The following WDPCP variants were observed in gnomAD, a reference collection of about 807,000 sequenced individuals.
WDPCP encodes the protein WD repeat-containing and planar cell polarity effector protein fritz homolog.
In WDPCP, 71 loss-of-function variants were observed where a neutral mutation model predicts 93.1. The ratio of observed to expected loss-of-function variants is 0.76; its 90% CI spans 0.63 to 0.93. The LOEUF is 0.93. WDPCP is among the 40% of genes least tolerant of loss of function. The pLI, the probability that WDPCP is intolerant of heterozygous loss-of-function variation, is 0.00. For synonymous variants in WDPCP, 315 were observed against 315.0 expected, an observed-to-expected ratio of 1.00 and a Z score of 0.00; for missense variants, 844 against 887.4, an observed-to-expected ratio of 0.95 and a Z score of 0.62.
chr2:63,323,578 C>T (rs1687288120), intron 12 of WDPCP, among the ~76,000 whole-genome samples: 1 of 152,102 alleles, frequency 6.6e-6, no homozygotes, highest in African/African-American at 2.4e-5. Flanking sequence ...TCCCTTCCCT[C>T]CCTCAGGGTA....
chr2:63,323,022 C>T (rs1458902579), intron 12 of WDPCP, among the ~76,000 whole-genome samples: 10 of 152,212 alleles, frequency 6.6e-5, no homozygotes, highest in Non-Finnish European at 1.5e-4. Flanking sequence ...CGTTGGTTTG[C>T]CTGGAACCAG....
intron 2 of WDPCP, among the ~76,000 whole-genome samples, chr2:63,657,013 A>G (rs1218684322): frequency 6.6e-6 from 1 of 152,166 alleles, no homozygotes; most frequent in Non-Finnish European, 1.5e-5. Flanking sequence ...TTCACAAAGT[A>G]AAGGAAAAGC....
chr2:63,701,276 C>G (rs776096180), intron 2 of WDPCP, among the ~76,000 whole-genome samples: 18 of 152,102 alleles, frequency 1.2e-4, no homozygotes, highest in Admixed American at 3.3e-4. Flanking sequence ...TGCTAGTCAT[C>G]AGAGAAATGC....
chr2:63,774,124 TA>T (rs774357377), intron 2 of WDPCP, among the ~76,000 whole-genome samples: 11 of 152,106 alleles, frequency 7.2e-5, no homozygotes, highest in Non-Finnish European at 1.3e-4. Context: ...GGTATAATTT[TA>T]AGTGAGATCA....
At chr2:63,526,067 G>GTGTA (rs1393998531) in intron 1 of WDPCP, among the ~76,000 whole-genome samples, 1 of 151,950 alleles carries the variant, frequency 6.6e-6, no homozygotes, top group East Asian at 1.9e-4. Context: ...GTGTGTGTGT[G>GTGTA]TGTGTGTGTG....
chr2:63,262,770 C>T (rs908242691), intron 13 of WDPCP, among the ~76,000 whole-genome samples: 12 of 151,936 alleles, frequency 7.9e-5, no homozygotes, highest in South Asian at 2.1e-4. Context: ...TTGGGGTCGT[C>T]GATTTGAAGA....
At chr2:63,370,134 A>G (rs970213668) in intron 12 of WDPCP, among the ~76,000 whole-genome samples, 1 of 152,162 alleles carries the variant, frequency 6.6e-6, no homozygotes, top group Non-Finnish European at 1.5e-5. Context: ...TGATTAGTAT[A>G]ACAACTTTTC....
At chr2:63,579,492 C>T (rs1292407508) in intron 1 of WDPCP, among the ~76,000 whole-genome samples, 1 of 152,038 alleles carries the variant, frequency 6.6e-6, no homozygotes, top group Non-Finnish European at 1.5e-5. Context: ...CACCTGTAGT[C>T]CCAGCTACTC....
chr2:63,382,063 T>C lies in WDPCP; in HGVS notation c.1467A>G (p.Ile489Met). 6.2e-7 allele frequency: 1 copy of C among 1,613,248 alleles called. No individual in the cohort carries two copies. Among genetic ancestry groups the C allele is most frequent in the Non-Finnish European group, 8.5e-7 (1 of 1,179,626 alleles). The change falls in exon 11 of 18, where the codon ATA (isoleucine) becomes ATG (methionine). Residue 489 changes from isoleucine to methionine, a missense_variant. Physicochemically the swap from Ile to Met is conservative, Grantham distance 10. Coordinates refer to ENST00000272321, the MANE Select transcript of WDPCP (RefSeq NM_015910.7). ...AGTGAATGTACTGGAAGATGATGTC[T>C]ATCAGGCCCAGCTGTCCTCGAGTGA... is the stretch of plus-strand genomic sequence containing the variant. ...GVFTRGQLGL[I>M]DIIFQYIHCD...
intron 14 of WDPCP, among the ~76,000 whole-genome samples, chr2:63,180,453 C>A (rs1674158879): frequency 6.6e-6 from 1 of 152,134 alleles, no homozygotes; most frequent in Admixed American, 6.6e-5. Context: ...CTTTCTGTTT[C>A]TGAGTTATTT....
At chr2:63,488,927 A>C (rs1700719065) in intron 2 of WDPCP, among the ~76,000 whole-genome samples, 1 of 151,976 alleles carries the variant, frequency 6.6e-6, no homozygotes, top group Non-Finnish European at 1.5e-5. Context: ...TCCAGTTAAG[A>C]AAACCTGCCC....
At chr2:63,212,537 T>G (rs1232807061) in intron 14 of WDPCP, among the ~76,000 whole-genome samples, 5 of 152,092 alleles carry the variant, frequency 3.3e-5, no homozygotes, top group African/African-American at 4.8e-5. Flanking sequence ...AGACCATCGA[T>G]GCTAGGAAGA....
At chr2:63,290,434 C>T (rs1047350155) in intron 13 of WDPCP, among the ~76,000 whole-genome samples, 2 of 151,526 alleles carry the variant, frequency 1.3e-5, no homozygotes, top group African/African-American at 4.9e-5. Flanking sequence ...ATTACTTTTG[C>T]TTTAAATAAT....
At chr2:63,801,531 T>C (rs572373742) in intron 2 of WDPCP, among the ~76,000 whole-genome samples, 104 of 152,318 alleles carry the variant, frequency 6.8e-4, no homozygotes, top group African/African-American at 2.4e-3. Context: ...GGCCAGCTTC[T>C]ATTCCCTTAT....
At chr2:63,764,476 C>G (rs1575767534) in intron 2 of WDPCP, among the ~76,000 whole-genome samples, 1 of 151,968 alleles carries the variant, frequency 6.6e-6, no homozygotes, top group African/African-American at 2.4e-5. Flanking sequence ...CCTGGAAGAC[C>G]AAAATGTCAA....
intron 15 of WDPCP, among the ~76,000 whole-genome samples, chr2:63,166,663 GA>G (rs1425981880): frequency 6.6e-6 from 1 of 152,016 alleles, no homozygotes; most frequent in Non-Finnish European, 1.5e-5. Flanking sequence ...TAAATGTTGG[GA>G]TTACAGGCAT....
At chr2:63,247,808 T>G (rs1229705952) in intron 14 of WDPCP, among the ~76,000 whole-genome samples, 5 of 151,976 alleles carry the variant, frequency 3.3e-5, no homozygotes, top group African/African-American at 1.2e-4. Flanking sequence ...TTTTTGTTTG[T>G]TTTGTTTTGT....
At chr2:63,809,960 A>G (rs193020000) in intron 2 of WDPCP, among the ~76,000 whole-genome samples, 1 of 152,160 alleles carries the variant, frequency 6.6e-6, no homozygotes, top group Admixed American at 6.5e-5. Context: ...TAATTCCTTC[A>G]TGATAAATAT....
chr2:63,726,477 G>A (rs1349958460), intron 2 of WDPCP, among the ~76,000 whole-genome samples: 8 of 152,162 alleles, frequency 5.3e-5, no homozygotes, highest in African/African-American at 1.9e-4. Context: ...AGGTCAGGTA[G>A]TGTGATGCTT....
Sources: allele counts gnomAD v4.1 joint callset (sites outside exome capture counted in the v4.1 genomes callset), GRCh38; gene constraint gnomAD v4.1.1; transcripts MANE v1.5; gene names NCBI Gene and HGNC (gene_info 2026-07-23, HGNC 2026-07-21).